Variants in PRKDC observed in about 807,000 individuals in gnomAD.
PRKDC encodes DNA-dependent protein kinase catalytic subunit.
In PRKDC, 82 loss-of-function variants were observed where a neutral mutation model predicts 486.9. The observed-to-expected ratio is 0.17, with a 90% CI of 0.14 to 0.20. PRKDC has a LOEUF of 0.20. Ranked by LOEUF, PRKDC falls within the 10% of genes least tolerant of loss-of-function variation. PRKDC has a pLI of 1.00. For synonymous variants in PRKDC, 1,895 were observed against 1,837.0 expected (o/e 1.03, Z -0.81); for missense variants, 4,504 against 5,038.2 (o/e 0.89, Z 3.21).
chr8:47,876,138 T>A (rs780159298), intron 40 of PRKDC, among the ~76,000 whole-genome samples: 4 of 152,054 alleles, frequency 2.6e-5, no homozygotes, highest in Non-Finnish European at 5.9e-5. Context: ...TCCTGTGGGG[T>A]CTTACTGGGG....
Position 47,927,779 on chromosome 8 carries a change from C to T in PRKDC, c.2251G>A (p.Ala751Thr), listed in dbSNP as rs774703460. The change falls in exon 20 of 86, where the codon GCA becomes ACA. Residue 751 changes from alanine to threonine, a missense_variant. This residue lies in a region of PRKDC where 1,969 missense variants were observed against 2,068.9 expected (regional missense o/e 0.95). Coordinates refer to ENST00000314191, the MANE Select transcript of PRKDC (RefSeq NM_006904.7). ...TTCAAGACAACGCCTACCTGCAGTG[C>T]AGGAACGTAGGCTCTAACATCGAGT... is the stretch of plus-strand genomic sequence containing the variant. ...IELDVRAYVP[A>T]LQMAFKLGLS... The T allele has an allele frequency of 6.4e-7, 1 of 1,555,232 alleles. No homozygotes were observed. The highest frequency in any genetic ancestry group is 2.3e-5 in the East Asian group (1 of 43,304).
chr8:47,819,568 A>G (rs2087536339), intron 66 of PRKDC, 58 bp from the exon 67 acceptor site: 1 of 935,738 alleles, frequency 1.1e-6, no homozygotes, highest in Non-Finnish European at 1.6e-6. Context: ...TAAATCAATC[A>G]AGCTGTGACT....
rs773505432 is a variant in PRKDC at position 47,893,199 on chromosome 8, C to T, written c.3787G>A (p.Ala1263Thr). ...ATGAACGTGTTGTAGCACTCCAACG[C>T]GGCCAGGAGCAGGTCCAGCCAGCAT... ...TLCWLDLLLA[A>T]LECYNTFIGE... is the part of the protein sequence containing the mutation. The change falls in exon 31 of 86, where the codon GCG (alanine) becomes ACG (threonine). Residue 1263 changes from alanine to threonine, a missense_variant. Ala to Thr is a moderately conservative substitution (Grantham distance 58). Transcript: ENST00000314191. 35 of 1,613,074 alleles carry T rather than the reference C, an allele frequency of 2.2e-5. No individual in the cohort carries two copies. Among genetic ancestry groups the T allele is most frequent in the Admixed American group, 8.4e-5 (5 of 59,878 alleles).
intron 25 of PRKDC, among the ~76,000 whole-genome samples, chr8:47,911,562 A>G (rs765743218): frequency 6.6e-6 from 1 of 152,196 alleles, no homozygotes; most frequent in Non-Finnish European, 1.5e-5. Flanking sequence ...CCACTCATGT[A>G]TACTGCAGAA....
chr8:47,835,788 G>A (rs2088007889), intron 58 of PRKDC, among the ~76,000 whole-genome samples: 1 of 151,308 alleles, frequency 6.6e-6, no homozygotes, highest in African/African-American at 2.4e-5. Flanking sequence ...TTTGAGACAG[G>A]GCCTTGCTCT....
chr8:47,948,466 T>TC (rs1015733930), intron 7 of PRKDC, among the ~76,000 whole-genome samples: 17 of 147,378 alleles, frequency 1.2e-4, no homozygotes, highest in African/African-American at 3.8e-4. Context: ...CCTTGTTTTT[T>TC]TTTTTTTTTT....
At chr8:47,864,371 T>C (rs1270585393) in intron 41 of PRKDC, among the ~76,000 whole-genome samples, 185 bp downstream of exon 41, 1 of 152,034 alleles carries the variant, frequency 6.6e-6, no homozygotes, top group Non-Finnish European at 1.5e-5. Flanking sequence ...TAAGAGAATA[T>C]CCAAATTTGC....
intron 66 of PRKDC, 34 bp downstream of exon 66, chr8:47,820,685 T>C: frequency 9.2e-7 from 1 of 1,086,080 alleles, no homozygotes; most frequent in Non-Finnish European, 1.2e-6. Flanking sequence ...ACACTATATA[T>C]ATACAAGCAT....
chr8:47,889,281 G>C, intron 32 of PRKDC, 59 bp from the exon 33 acceptor site: 2 of 1,433,740 alleles, frequency 1.4e-6, no homozygotes, highest in East Asian at 2.4e-5. Flanking sequence ...TTTCACCAAA[G>C]TGCAGGGCCC....
chr8:47,958,016 C>G (rs1019104283), intron 1 of PRKDC, among the ~76,000 whole-genome samples: 1 of 152,152 alleles, frequency 6.6e-6, no homozygotes, highest in Non-Finnish European at 1.5e-5. Context: ...GGAAATTGAG[C>G]TTGCAGATGG....
intron 59 of PRKDC, among the ~76,000 whole-genome samples, chr8:47,832,613 G>A (rs1029227714): frequency 2.6e-5 from 4 of 152,174 alleles, no homozygotes; most frequent in African/African-American, 9.7e-5. Context: ...TAAGGTTGAA[G>A]GGATTTCCCA....
At chr8:47,794,765 ATCT>A (rs1374496441) in intron 73 of PRKDC, among the ~76,000 whole-genome samples, 2 of 152,182 alleles carry the variant, frequency 1.3e-5, no homozygotes, top group African/African-American at 4.8e-5. Flanking sequence ...GTATAGAAAA[ATCT>A]TCTACTTCAT....
rs2089436333 is a variant in PRKDC at position 47,890,449 on chromosome 8, T to C, written c.3879A>G (p.Ala1293=). The change falls in exon 32 of 86, where the codon GCA becomes GCG. Residue 1293 remains alanine (A), a synonymous_variant. Transcript: ENST00000314191. ...CAATGCTTTCTAAGAAGAAAGCCAC[T>C]GCTTTCAAAAGTGAAGACTGGGCTT... ...GTEAQSSLLK[A]VAFFLESIAM... 2 of 1,572,940 alleles carry C rather than the reference T, an allele frequency of 1.3e-6. No individual in the cohort carries two copies. Among genetic ancestry groups the C allele is most frequent in the African/African-American group, 2.7e-5 (2 of 74,280 alleles).
intron 71 of PRKDC, among the ~76,000 whole-genome samples, chr8:47,800,124 C>G (rs903322320): frequency 3.3e-5 from 5 of 151,000 alleles, no homozygotes; most frequent in Non-Finnish European, 5.9e-5. Flanking sequence ...ACCCAAAGGA[C>G]TATAAATCAT....
intron 17 of PRKDC, 129 bp downstream of exon 17, chr8:47,930,543 A>G: frequency 1.1e-6 from 1 of 873,108 alleles, no homozygotes; most frequent in Non-Finnish European, 1.7e-6. Flanking sequence ...AAGTGCTGGG[A>G]TTACAGGCGT....
intron 44 of PRKDC, among the ~76,000 whole-genome samples, chr8:47,861,492 C>T (rs2088677038): frequency 6.6e-6 from 1 of 152,194 alleles, no homozygotes; most frequent in South Asian, 2.1e-4. Context: ...TGGTGAAGCA[C>T]TAAGACATGG....
intron 7 of PRKDC, among the ~76,000 whole-genome samples, chr8:47,951,303 G>A (rs1211743080): frequency 6.6e-6 from 1 of 151,756 alleles, no homozygotes; most frequent in Non-Finnish European, 1.5e-5. Context: ...GAGGCAGGCA[G>A]AGAGCCATGC....
intron 22 of PRKDC, 62 bp downstream of exon 22, chr8:47,918,215 A>G (rs1481854528): frequency 9.1e-7 from 1 of 1,104,016 alleles, no homozygotes; most frequent in Non-Finnish European, 1.3e-6. Context: ...TTTACTTTTC[A>G]CAAGTGTTAG....
intron 40 of PRKDC, among the ~76,000 whole-genome samples, chr8:47,865,530 C>T (rs10958363): frequency 1 from 151,982 of 152,324 alleles, 75,827 homozygotes; most frequent in Middle Eastern, 1. Context: ...TGAATAATCA[C>T]CTATAAAGTT....
Sources: gnomAD v4.1 joint callset for allele counts (sites outside exome capture counted in the v4.1 genomes callset) on GRCh38, gnomAD v4.1.1 for gene constraint, gnomAD v4.1.1 regional missense constraint, MANE v1.5 for transcripts, NCBI Gene and HGNC (gene_info 2026-07-23, HGNC 2026-07-21) for gene names.